Variants in VSIG1 observed in about 807,000 individuals in gnomAD.
VSIG1 encodes V-set and immunoglobulin domain containing 1.
VSIG1 carries 11 observed loss-of-function variants against 20.1 expected under a neutral mutation model. That is an observed-to-expected ratio of 0.55 (90% CI 0.34 to 0.91). The LOEUF is 0.91. Among genes scored for constraint, VSIG1 ranks in the 40% least tolerant of loss-of-function variants. The pLI is 0.02. For synonymous variants in VSIG1, 126 were observed against 116.7 expected, an observed-to-expected ratio of 1.08 and a Z score of -0.52; for missense variants, 283 against 298.8, an observed-to-expected ratio of 0.95 and a Z score of 0.39.
intron 1 of VSIG1, among the ~76,000 whole-genome samples, chrX:108,047,895 T>TATATAC (rs1176733427): frequency 2.0e-4 from 9 of 45,657 alleles, no homozygotes; most frequent in African/African-American, 2.9e-4. Flanking sequence ...TACACACATA[T>TATATAC]ATATATATAC....
chrX:108,064,837 CA>C (rs1569291042), intron 2 of VSIG1: 3 of 623,612 alleles, frequency 4.8e-6, no homozygotes, highest in Non-Finnish European at 5.8e-6. Flanking sequence ...AAATAAGCCC[CA>C]TGCTGCCTAG....
At chrX:108,055,206 G>GA (rs2030870446) in intron 1 of VSIG1, among the ~76,000 whole-genome samples, 3 of 110,756 alleles carry the variant, frequency 2.7e-5, no homozygotes, top group Admixed American at 1.9e-4. Context: ...TGACAACTTA[G>GA]AAAAAAATTG....
intron 2 of VSIG1, among the ~76,000 whole-genome samples, chrX:108,058,949 T>C (rs541845517): frequency 3.9e-3 from 440 of 111,421 alleles, no homozygotes; most frequent in South Asian, 0.016. Context: ...TGTGTGTGTG[T>C]GCGCATGCAT....
intron 2 of VSIG1, among the ~76,000 whole-genome samples, chrX:108,066,721 T>A (rs1392940308): frequency 8.9e-6 from 1 of 111,801 alleles, no homozygotes; most frequent in Non-Finnish European, 1.9e-5. Context: ...CCTGCCCTGA[T>A]GACATCACAG....
At chrX:108,020,525 T>C in the VSIG1 span, among the ~76,000 whole-genome samples, 1 of 111,745 alleles carries the variant, frequency 8.9e-6, no homozygotes, top group Non-Finnish European at 1.9e-5. Context: ...GCTTTGTCTG[T>C]TTGAGGAGGT....
intron 2 of VSIG1, among the ~76,000 whole-genome samples, chrX:108,062,446 A>G (rs2147927733): frequency 9.0e-6 from 1 of 111,382 alleles, no homozygotes; most frequent in African/African-American, 3.3e-5. Context: ...CCACCCCACC[A>G]TCAAATTTAT....
At chrX:108,047,963 T>TATATATATAC (rs2030683241) in intron 1 of VSIG1, among the ~76,000 whole-genome samples, 1 of 7,951 alleles carries the variant, frequency 1.3e-4, no homozygotes, top group African/African-American at 4.2e-4. Flanking sequence ...TACACACACA[T>TATATATATAC]ATATATATAT....
intron 3 of VSIG1, among the ~76,000 whole-genome samples, chrX:108,072,242 A>T (rs2031263144): frequency 9.1e-6 from 1 of 109,968 alleles, no homozygotes; most frequent in African/African-American, 3.3e-5. Context: ...CTGCCAACAT[A>T]CATTTTAATA....
chrX:108,063,963 T>C (rs1057253374), intron 2 of VSIG1, among the ~76,000 whole-genome samples: 1 of 112,051 alleles, frequency 8.9e-6, no homozygotes, highest in Non-Finnish European at 1.9e-5. Context: ...ACGTCTAAAT[T>C]GATAATATTC....
Position 108,062,521 on chromosome X carries a change from C to T in VSIG1, c.213+4320C>T, listed in dbSNP as rs181409890. On this transcript the variant is annotated intron_variant, in intron 2 of 6. Coordinates refer to ENST00000217957, the MANE Select transcript of VSIG1 (RefSeq NM_182607.5). Reference sequence around the variant, plus strand: ...TAATCTCATGGTAAGGTGTTAGGGACTAGCGAAAGCTTATTTTATTCTCTT... The same window carrying T: ...TAATCTCATGGTAAGGTGTTAGGGATTAGCGAAAGCTTATTTTATTCTCTT... 7.8e-4 allele frequency among the ~76,000 whole-genome samples: 87 copies of T among 112,151 alleles called. 3 individuals carry two copies. The East Asian group carries it at 0.023, about 29-fold the overall frequency.
At chrX:108,020,328 T>C in the VSIG1 span, among the ~76,000 whole-genome samples, 1 of 112,155 alleles carries the variant, frequency 8.9e-6, no homozygotes, top group South Asian at 3.7e-4. Flanking sequence ...AGCAAAAGTA[T>C]TTTTCAGTGA....
chrX:108,023,298 A>T, the VSIG1 span, among the ~76,000 whole-genome samples: 2 of 111,886 alleles, frequency 1.8e-5, no homozygotes, highest in African/African-American at 6.5e-5. Flanking sequence ...CTAACCTTGT[A>T]TTCCTGGGAT....
At position 108,078,435 on chromosome X, in the gene VSIG1, C is replaced by G. The variant is rs960353968; in HGVS notation, c.*1054C>G. Reference sequence around the variant, plus strand: ...CGAAACCCCTTCTCTACTAAAAATACAAAAATTAGCTGGGCGTGGTAGTGC... The same window carrying G: ...CGAAACCCCTTCTCTACTAAAAATAGAAAAATTAGCTGGGCGTGGTAGTGC... On this transcript the variant is annotated 3_prime_UTR_variant, in exon 7 of 7. Transcript: ENST00000217957. 1 of 111,528 alleles carries G rather than the reference C, an allele frequency of 9.0e-6. No individual in the cohort carries two copies. Among genetic ancestry groups the G allele is most frequent in the Non-Finnish European group, 1.9e-5 (1 of 53,079 alleles). 9.2% of individuals were successfully genotyped at this position (111,528 alleles called of 1,213,427 possible). A position where few individuals can be genotyped will look rare whatever the true frequency, so the allele number is the denominator to read the frequency against.
At chrX:108,036,467 T>G in the VSIG1 span, among the ~76,000 whole-genome samples, 1 of 111,248 alleles carries the variant, frequency 9.0e-6, no homozygotes. Flanking sequence ...CCCAAACAGT[T>G]CAATGTACAT....
the VSIG1 span, among the ~76,000 whole-genome samples, chrX:108,037,343 A>C: frequency 8.9e-6 from 1 of 111,915 alleles, no homozygotes; most frequent in African/African-American, 3.3e-5. Context: ...CTTTAGCCTC[A>C]GATTTTCCCC....
upstream of VSIG1, among the ~76,000 whole-genome samples, chrX:108,044,048 C>T (rs984908546): frequency 8.1e-5 from 9 of 111,581 alleles, no homozygotes; most frequent in African/African-American, 2.9e-4. Flanking sequence ...GCGGCTGGCA[C>T]ACAGGATGAA....
At chrX:108,035,434 G>A in the VSIG1 span, among the ~76,000 whole-genome samples, 2 of 110,282 alleles carry the variant, frequency 1.8e-5, no homozygotes, top group Admixed American at 9.6e-5. Context: ...CAGCCCTTAC[G>A]TACAACCAAT....
Position 108,077,313 on chromosome X carries a change from C to CCAGAGT in VSIG1, c.1102_1107dup (p.Ser368_Glu369dup), listed in dbSNP as rs774244514. ...ATTGGAGCCAGAGCCAGAGCCAGAG[C>CCAGAGT]CAGAGTCAGAGCCTGGGGTTGTAGT... is the stretch of plus-strand genomic sequence containing the variant. On this transcript the variant is annotated inframe_insertion, in exon 7 of 7. Transcript: ENST00000217957. 1.9e-5 allele frequency: 23 copies of CCAGAGT among 1,210,357 alleles called. No homozygotes were observed. The highest frequency in any genetic ancestry group is 8.9e-5 in the East Asian group (3 of 33,773).
intron 2 of VSIG1, chrX:108,061,455 A>G: frequency 8.6e-7 from 1 of 1,164,671 alleles, no homozygotes; most frequent in Non-Finnish European, 1.1e-6. Context: ...TACTGAGGGT[A>G]TGGAGGAAAA....
Sources: allele counts gnomAD v4.1 joint callset (sites outside exome capture counted in the v4.1 genomes callset), GRCh38; gene constraint gnomAD v4.1.1; transcripts MANE v1.5; gene names NCBI Gene and HGNC (gene_info 2026-07-23, HGNC 2026-07-21).